NAALADL2: variants seen among roughly 807,000 people sequenced by gnomAD.
NAALADL2 encodes N-acetylated alpha-linked acidic dipeptidase like 2.
In NAALADL2, 76 loss-of-function variants were observed where a neutral mutation model predicts 87.2. That is an observed-to-expected ratio of 0.87 (90% CI 0.72 to 1.05). The LOEUF is 1.05. Among genes scored for constraint, NAALADL2 ranks in the 50% least tolerant of loss-of-function variants. NAALADL2 has a pLI of 0.00. For missense variants in NAALADL2, 1,089 were observed against 945.8 expected, an observed-to-expected ratio of 1.15 and a Z score of -1.99; for synonymous variants, 354 against 331.0, an observed-to-expected ratio of 1.07 and a Z score of -0.75.
chr3:174,723,606 A>G (rs1010424043), intron 2 of NAALADL2, among the ~76,000 whole-genome samples: 4 of 151,644 alleles, frequency 2.6e-5, no homozygotes, highest in African/African-American at 7.3e-5. Flanking sequence ...ATACAAAACA[A>G]TTAGCCGGGC....
chr3:175,667,241 A>AAAAGAAAGAAAGAAAAAG (rs1733286177), intron 11 of NAALADL2, among the ~76,000 whole-genome samples: 38 of 91,784 alleles, frequency 4.1e-4, no homozygotes, highest in African/African-American at 1.8e-3. Flanking sequence ...GAAAGAAAGA[A>AAAAGAAAGAAAGAAAAAG]AAAGAAAGAA....
intron 2 of NAALADL2, among the ~76,000 whole-genome samples, chr3:175,171,566 T>C (rs1734814904): frequency 6.6e-6 from 1 of 152,138 alleles, no homozygotes; most frequent in Admixed American, 6.6e-5. Context: ...TTATTCATTC[T>C]TCTAAGAAAC....
At chr3:174,965,832 A>G (rs1742788767) in intron 1 of NAALADL2, among the ~76,000 whole-genome samples, 1 of 152,106 alleles carries the variant, frequency 6.6e-6, no homozygotes, top group Admixed American at 6.6e-5. Context: ...TTTTTACAGT[A>G]TGGTCTATTT....
intron 2 of NAALADL2, among the ~76,000 whole-genome samples, chr3:175,133,583 G>A (rs1341788436): frequency 6.6e-6 from 1 of 152,098 alleles, no homozygotes; most frequent in Non-Finnish European, 1.5e-5. Flanking sequence ...CCAGTCAGGC[G>A]TGGCGGCGCG....
rs1451693709 is a variant in NAALADL2, at chr3:175,214,369, G to T, written c.546-19562G>T. 2.0e-5 allele frequency among the ~76,000 whole-genome samples: 3 copies of T among 152,218 alleles called. No homozygotes were observed. The East Asian group carries it at 5.8e-4, about 29-fold the overall frequency. ...TCAGCAATGCTGTAAAAGCCTCTGT[G>T]TCTTTCAGATGAAACACTCCTTCAG... is the stretch of plus-strand genomic sequence containing the variant. On this transcript the variant is annotated intron_variant, in intron 2 of 13. Transcript: ENST00000454872.
intron 6 of NAALADL2, among the ~76,000 whole-genome samples, chr3:175,447,713 T>C (rs190982093): frequency 1.2e-4 from 18 of 152,306 alleles, no homozygotes; most frequent in Non-Finnish European, 1.6e-4. Flanking sequence ...CTGCCAAGAT[T>C]CAGTGGATAG....
chr3:174,820,838 TAA>T (rs935804703), intron 3 of NAALADL2, among the ~76,000 whole-genome samples: 5 of 151,550 alleles, frequency 3.3e-5, no homozygotes, highest in Middle Eastern at 3.4e-3. Context: ...TATGTTTTTT[TAA>T]AAAAAAACAT....
rs57049565 is a variant in NAALADL2 at position 175,314,563 on chromosome 3, C to CTATATATATA, written c.940-9585_940-9576dup. 3.9e-3 allele frequency among the ~76,000 whole-genome samples: 270 copies of CTATATATATA among 69,598 alleles called. 2 individuals are homozygous for CTATATATATA. The highest frequency in any genetic ancestry group is 5.7e-3 in the Admixed American group (31 of 5,442). 45.7% of individuals were successfully genotyped at this position (69,598 alleles called of 152,430 possible). ...ATTAATACTTACCTTCACATTCTAA[C>CTATATATATA]TATATATATATATATATATATATAT... is the stretch of plus-strand genomic sequence containing the variant. On this transcript the variant is annotated intron_variant, in intron 4 of 13. Transcript: ENST00000454872.
At chr3:174,713,413 CCCA>C (rs1275576318) in intron 2 of NAALADL2, among the ~76,000 whole-genome samples, 1 of 152,162 alleles carries the variant, frequency 6.6e-6, no homozygotes, top group Non-Finnish European at 1.5e-5. Context: ...AGTTTACAGT[CCCA>C]CCAACAGTGT....
intron 2 of NAALADL2, among the ~76,000 whole-genome samples, chr3:175,183,925 T>A (rs1257279032): frequency 1.3e-5 from 2 of 152,146 alleles, no homozygotes; most frequent in African/African-American, 4.8e-5. Context: ...CAAACTTTAT[T>A]TTAAAGTGCT....
chr3:175,793,307 CTT>C (rs66905230), intron 13 of NAALADL2, among the ~76,000 whole-genome samples: 201 of 116,904 alleles, frequency 1.7e-3, no homozygotes, highest in Non-Finnish European at 2.8e-3. Flanking sequence ...CATTTTCTTT[CTT>C]TTTTTTTTTT....
intron 1 of NAALADL2, among the ~76,000 whole-genome samples, chr3:174,541,316 A>G (rs956860387): frequency 1.3e-5 from 2 of 152,182 alleles, no homozygotes; most frequent in African/African-American, 4.8e-5. Flanking sequence ...TGATTGCCAT[A>G]TATCTGAATG....
intron 1 of NAALADL2, among the ~76,000 whole-genome samples, chr3:175,004,670 G>GT (rs1015365887): frequency 3.8e-4 from 58 of 152,038 alleles, no homozygotes; most frequent in African/African-American, 1.4e-3. Context: ...AGTTGTCCAC[G>GT]TAAGTGGCTC....
rs563971089 is a variant in NAALADL2 at position 174,653,152 on chromosome 3, ATG to A, written c.-114-84488_-114-84487del. Among the ~76,000 whole-genome samples, 5 of 152,326 alleles carry A rather than the reference ATG, an allele frequency of 3.3e-5. No individual in the cohort carries two copies. The East Asian group carries it at 9.7e-4, about 29-fold the overall frequency. Reference sequence around the variant, plus strand: ...GAAAGACTGGCAGTATCTGTTATAGATGAACATACACATACTCTAAGTTCCAA... The same window carrying A: ...GAAAGACTGGCAGTATCTGTTATAGAAACATACACATACTCTAAGTTCCAA... On this transcript the variant is annotated intron_variant, in intron 2 of 3. Transcript: ENST00000434257.
At chr3:175,016,952 T>C (rs553780312) in intron 1 of NAALADL2, among the ~76,000 whole-genome samples, 1 of 152,032 alleles carries the variant, frequency 6.6e-6, no homozygotes, top group East Asian at 1.9e-4. Flanking sequence ...TATTTTGAAA[T>C]GTACAATAGA....
chr3:174,736,986 A>T (rs931853607), intron 2 of NAALADL2, among the ~76,000 whole-genome samples: 3 of 152,144 alleles, frequency 2.0e-5, no homozygotes, highest in Admixed American at 1.3e-4. Flanking sequence ...AGGTTGCAAC[A>T]ATGTTCAACT....
chr3:174,497,812 A>G (rs1718639285), intron 1 of NAALADL2, among the ~76,000 whole-genome samples: 1 of 152,194 alleles, frequency 6.6e-6, no homozygotes, highest in Non-Finnish European at 1.5e-5. Flanking sequence ...AGACTAAAAT[A>G]TGTGACAATA....
intron 13 of NAALADL2, among the ~76,000 whole-genome samples, chr3:175,767,122 G>A (rs541934170): frequency 6.6e-6 from 1 of 152,046 alleles, no homozygotes; most frequent in African/African-American, 2.4e-5. Context: ...CACCTCGGAG[G>A]AGTACATGAT....
intron 3 of NAALADL2, among the ~76,000 whole-genome samples, chr3:174,850,048 G>C (rs1288781321): frequency 6.6e-6 from 1 of 152,122 alleles, no homozygotes; most frequent in African/African-American, 2.4e-5. Context: ...TTCTTTCAGA[G>C]TGAAGAACTT....
Sources: gnomAD v4.1 joint callset for allele counts (sites outside exome capture counted in the v4.1 genomes callset) on GRCh38, gnomAD v4.1.1 for gene constraint, MANE v1.5 for transcripts, NCBI Gene and HGNC (gene_info 2026-07-23, HGNC 2026-07-21) for gene names.